FMNL1: variants seen among roughly 807,000 people sequenced by gnomAD.
The protein encoded by FMNL1 is formin-like protein 1.
In FMNL1, 43 loss-of-function variants were observed where a neutral mutation model predicts 121.3. The observed-to-expected ratio is 0.35, with a 90% confidence interval of 0.28 to 0.46. FMNL1 has a LOEUF of 0.46. Ranked by LOEUF, FMNL1 falls within the 20% of genes least tolerant of loss-of-function variation. The pLI, the probability that FMNL1 is intolerant of heterozygous loss-of-function variation, is 1.00. For synonymous variants in FMNL1, 613 were observed against 613.5 expected (o/e 1.00, Z 0.01); for missense variants, 1,191 against 1,482.4 (o/e 0.80, Z 3.23).
intron 3 of FMNL1, 100 bp downstream of exon 3, chr17:45,232,580 TGGGTGCATGTATGA>T: frequency 9.6e-7 from 1 of 1,046,252 alleles, no homozygotes; most frequent in Non-Finnish European, 1.5e-6. Flanking sequence ...TGTGCGTGTG[TGGGTGCATGTATGA>T]GTGTGTGTGT....
intron 9 of FMNL1, 42 bp from the exon 10 acceptor site, chr17:45,238,522 G>C (rs759838048): frequency 6.2e-7 from 1 of 1,607,414 alleles, no homozygotes; most frequent in Non-Finnish European, 8.5e-7. Context: ...AGCTTAGGAC[G>C]TGTGTCACTG....
Position 45,236,966 on chromosome 17 carries a change from A to C in FMNL1, c.724-315A>C, listed in dbSNP as rs556270365. 1.4e-3 allele frequency among the ~76,000 whole-genome samples: 212 copies of C among 152,260 alleles called. 1 individual carries two copies. The highest frequency in any genetic ancestry group is 1.4e-3 in the Non-Finnish European group (95 of 68,018). On this transcript the variant is annotated intron_variant, in intron 7 of 26. Coordinates refer to ENST00000331495, the MANE Select transcript of FMNL1 (RefSeq NM_005892.4). ...GTCTCTACTGAAAAAAATACAAAAA[A>C]AATCAGTTGAGTGTGGTGGCAGGTG...
At chr17:45,240,989 C>T (rs1406273064) in intron 12 of FMNL1, 140 bp from the exon 13 acceptor site, 6 of 1,046,142 alleles carry the variant, frequency 5.7e-6, no homozygotes, top group African/African-American at 1.6e-5. Context: ...GTGCCAGGCT[C>T]GGCCCACCCT....
At position 45,237,153 on chromosome 17, in the gene FMNL1, G is replaced by A. The variant is rs2143446613; in HGVS notation, c.724-128G>A. On this transcript the variant is annotated intron_variant, in intron 7 of 26. Transcript: ENST00000331495. This position sits in a 1 kb window ranked among gnomAD's most constrained non-coding sequence, Gnocchi z 4.4. ...ATAGAAACAAGGCCAGGTTTTGGTGGCCACAGAAGTTGCGGTTGGATACAA... is the reference window on the plus strand; with the variant it reads ...ATAGAAACAAGGCCAGGTTTTGGTGACCACAGAAGTTGCGGTTGGATACAA... The A allele has an allele frequency of 1.3e-6, 1 of 757,144 alleles. No homozygotes were observed. 46.9% of individuals were successfully genotyped at this position (757,144 alleles called of 1,614,324 possible).
chr17:45,228,046 G>GC (rs1208730120), intron 1 of FMNL1, among the ~76,000 whole-genome samples: 2 of 152,056 alleles, frequency 1.3e-5, no homozygotes, highest in Non-Finnish European at 2.9e-5. Flanking sequence ...GTGTCCCCCA[G>GC]CCCCCCATCC....
rs1292210209 is a variant in FMNL1 at position 45,230,746 on chromosome 17, C to A, written c.213+59C>A. ...TCCCACTGTCAGTACCCCACCCTGA[C>A]CAGGCTGGGGCTATGGGGAGAGGGG... On this transcript the variant is annotated intron_variant, in intron 2 of 26. Coordinates refer to ENST00000331495, the MANE Select transcript of FMNL1 (RefSeq NM_005892.4). 14 of 1,557,634 alleles carry A rather than the reference C, an allele frequency of 9.0e-6. No individual in the cohort carries two copies. In the South Asian group the frequency reaches 1.1e-4, roughly 13 times the overall value.
intron 11 of FMNL1, among the ~76,000 whole-genome samples, chr17:45,239,888 C>T (rs549416533): frequency 4.0e-5 from 6 of 151,494 alleles, no homozygotes; most frequent in South Asian, 2.1e-4. Flanking sequence ...CTCTGCCTCC[C>T]GGGTTCAAGT....
At chr17:45,224,133 C>A (rs185152232) in intron 1 of FMNL1, among the ~76,000 whole-genome samples, 5 of 152,212 alleles carry the variant, frequency 3.3e-5, no homozygotes, top group Admixed American at 3.3e-4. Context: ...GCCCAGGAAC[C>A]CCAGTGTGTT....
Position 45,242,013 on chromosome 17 carries a change from G to A in FMNL1, c.1752G>A (p.Leu584=), listed in dbSNP as rs1344110868. ...PPPAPPLPGD[L]PPPPPPPPPP... ...CTGCGCCGCCGCTGCCCGGAGACCT[G>A]CCGCCCCCACCCCCGCCACCGCCAC... The change falls in exon 15 of 27, where the codon CTG becomes CTA. Residue 584 remains leucine, a synonymous_variant. Coordinates refer to ENST00000331495, the MANE Select transcript of FMNL1 (RefSeq NM_005892.4). 7.5e-7 allele frequency: 1 copy of A among 1,329,568 alleles called. No homozygotes were observed. The allele number at this position is 1,329,568 out of a possible 1,614,324, so 82.4% of individuals were successfully genotyped here. A position where few individuals can be genotyped will look rare whatever the true frequency, so the allele number is the denominator to read the frequency against.
At chr17:45,224,911 C>T (rs896842937) in intron 1 of FMNL1, among the ~76,000 whole-genome samples, 3 of 152,246 alleles carry the variant, frequency 2.0e-5, no homozygotes, top group African/African-American at 4.8e-5. Flanking sequence ...GCCTCTCCTA[C>T]GCCCATGCCC....
chr17:45,222,498 G>A (rs1453189223), intron 1 of FMNL1, among the ~76,000 whole-genome samples: 3 of 152,148 alleles, frequency 2.0e-5, no homozygotes, highest in Non-Finnish European at 4.4e-5. Flanking sequence ...ACCCCAGCTG[G>A]GTCTTAAGGT....
intron 1 of FMNL1, 113 bp from the exon 2 acceptor site, chr17:45,230,491 A>G (rs2143292025): frequency 1.2e-6 from 1 of 862,848 alleles, no homozygotes; most frequent in Non-Finnish European, 1.9e-6. Flanking sequence ...CAGAGGATTC[A>G]TGGGGGTGAT....
intron 6 of FMNL1, 41 bp downstream of exon 6, chr17:45,234,241 T>C: frequency 6.2e-7 from 1 of 1,613,374 alleles, no homozygotes; most frequent in Non-Finnish European, 8.5e-7. Flanking sequence ...GAACAGAGAA[T>C]TCAGCCCCCA....
chr17:45,232,477 G>A lies in FMNL1; in HGVS notation c.324G>A (p.Leu108=). Residue 108 remains leucine (L), a synonymous_variant, in exon 3 of 27, where the codon CTG becomes CTA. Transcript: ENST00000331495. ...RKVAADWMSN[L]GFKRRVQEST... is the part of the protein sequence containing the mutation. The stretch of plus-strand genomic sequence containing the variant: ...TAGCAGCTGATTGGATGTCCAACCT[G>A]GGGGTACATGTCTCCCCTCTTTACT... 1 of 1,613,810 alleles carries A rather than the reference G, an allele frequency of 6.2e-7. No individual in the cohort carries two copies. The highest frequency in any genetic ancestry group is 1.1e-5 in the South Asian group (1 of 91,076).
Position 45,241,595 on chromosome 17 carries a change from G to A in FMNL1, c.1546G>A (p.Ala516Thr). The A allele has an allele frequency of 6.5e-7, 1 of 1,549,128 alleles. No homozygotes were observed. The highest frequency in any genetic ancestry group is 8.7e-7 in the Non-Finnish European group (1 of 1,145,354). Reference protein sequence around the residue: ...VAVATPSGGDAPTPGVPTGSP... With the variant: ...VAVATPSGGDTPTPGVPTGSP... ...TGTGGCAACTCCGAGCGGCGGTGATGCTCCGACTCCGGGGGTGCCGACCGG... is the reference window on the plus strand; with the variant it reads ...TGTGGCAACTCCGAGCGGCGGTGATACTCCGACTCCGGGGGTGCCGACCGG... The change falls in exon 14 of 27, where the codon GCT (alanine) becomes ACT (threonine). Residue 516 changes from alanine (A) to threonine (T), a missense_variant. This residue lies in a region of FMNL1 where 519 missense variants were observed against 492.8 expected (regional missense o/e 1.05). Coordinates refer to ENST00000331495, the MANE Select transcript of FMNL1 (RefSeq NM_005892.4). The surrounding 1 kb of genome is among the most constrained non-coding windows in gnomAD (Gnocchi z 7.0).
rs933106565 is a variant in FMNL1 at position 45,233,560 on chromosome 17, C to G, written c.402-88C>G. The stretch of plus-strand genomic sequence containing the variant: ...TGGGTCTTTGGGGGTTGAAAGGGCA[C>G]CCCAGGGGTCCTTGCTGTCCCTGTT... On this transcript the variant is annotated intron_variant, in intron 4 of 26. Transcript: ENST00000331495. The surrounding 1 kb of genome is among the most constrained non-coding windows in gnomAD (Gnocchi z 4.1). 25 of 1,505,052 alleles carry G rather than the reference C, an allele frequency of 1.7e-5. No individual in the cohort carries two copies. In the Admixed American group the frequency reaches 3.1e-4, roughly 19 times the overall value. The allele number at this position is 1,505,052 out of a possible 1,614,324, so 93.2% of individuals were successfully genotyped here.
chr17:45,232,582 G>T (rs2043461707), intron 3 of FMNL1, 102 bp downstream of exon 3: 13 of 1,038,458 alleles, frequency 1.3e-5, no homozygotes, highest in Middle Eastern at 2.0e-4. Flanking sequence ...TGCGTGTGTG[G>T]GTGCATGTAT....
rs1284578643 is a variant in FMNL1 at position 45,247,160 on chromosome 17, G to A, written c.*302G>A. ...CCGCCCCTTCCCCCAAATGCTGCTT[G>A]CAGCACCCACCCTAAAGCCCCCTCC... On this transcript the variant is annotated 3_prime_UTR_variant, in exon 27 of 27. Coordinates refer to ENST00000331495, the MANE Select transcript of FMNL1 (RefSeq NM_005892.4). 1 of 579,762 alleles carries A rather than the reference G, an allele frequency of 1.7e-6. No individual in the cohort carries two copies. Among genetic ancestry groups the A allele is most frequent in the East Asian group, 2.8e-5 (1 of 35,758 alleles). 35.9% of individuals were successfully genotyped at this position (579,762 alleles called of 1,614,324 possible). A position where few individuals can be genotyped will look rare whatever the true frequency, so the allele number is the denominator to read the frequency against.
chr17:45,241,552 C>G lies in FMNL1; in HGVS notation c.1503C>G (p.Ile501Met), dbSNP rs1172278494. Residue 501 changes from isoleucine to methionine, a missense_variant, in exon 14 of 27, where the codon ATC (isoleucine) becomes ATG (methionine). By Grantham distance (10) the Ile-to-Met change is conservative. Transcript: ENST00000331495. The surrounding 1 kb of genome is among the most constrained non-coding windows in gnomAD (Gnocchi z 7.0). ...GGGGGCCGGGGGATGCTGTCTCCATCGAGATCCTCCCCGTCGCTGTGGCAA... is the reference window on the plus strand; with the variant it reads ...GGGGGCCGGGGGATGCTGTCTCCATGGAGATCCTCCCCGTCGCTGTGGCAA... ...ILRGPGDAVS[I>M]EILPVAVATP... The G allele has an allele frequency of 1.3e-6, 2 of 1,572,130 alleles. No individual in the cohort carries two copies. Among genetic ancestry groups the G allele is most frequent in the Non-Finnish European group, 1.7e-6 (2 of 1,159,462 alleles).
Sources: gnomAD v4.1 joint callset for allele counts (sites outside exome capture counted in the v4.1 genomes callset) on GRCh38, gnomAD v4.1.1 for gene constraint, gnomAD v4.1.1 regional missense constraint, Gnocchi (gnomAD v3.1) non-coding constraint, MANE v1.5 for transcripts, NCBI Gene and HGNC (gene_info 2026-07-23, HGNC 2026-07-21) for gene names.